The following RPA2 variants were observed in gnomAD, a reference collection of about 807,000 sequenced individuals.
RPA2 encodes replication protein A 32 kDa subunit.
A neutral mutation model predicts 33.4 loss-of-function variants in RPA2; 22 were observed. The observed-to-expected ratio is 0.66, with a 90% CI of 0.47 to 0.94. RPA2 has a LOEUF of 0.94. Among genes scored for constraint, RPA2 ranks in the 40% least tolerant of loss-of-function variants. RPA2 has a pLI of 0.00. For synonymous variants in RPA2, 109 were observed against 114.9 expected (o/e 0.95, Z 0.33); for missense variants, 279 against 329.9 (o/e 0.85, Z 1.19).
In RPA2 at chr1:27,897,689, T is replaced by C; in HGVS notation, c.352A>G (p.Thr118Ala). The change falls in exon 5 of 9, where the codon ACT becomes GCT. Residue 118 changes from threonine (T) to alanine (A), a missense_variant. Around this residue, in one of 2 missense-constraint regions of RPA2, gnomAD observed 274 missense variants for 310.3 expected, o/e 0.88. Coordinates refer to ENST00000373912, the MANE Select transcript of RPA2 (RefSeq NM_002946.5). ...VDTDDTSSEN[T>A]VVPPETYVKV... ...ACATATGTTTCTGGAGGAACCACAG[T>C]GTTTTCACTGCTGGTGTCCTAACAT... 2 of 1,600,162 alleles carry C rather than the reference T, an allele frequency of 1.2e-6. No homozygotes were observed. The highest frequency in any genetic ancestry group is 1.7e-6 in the Non-Finnish European group (2 of 1,173,522).
chr1:27,899,037 G>A lies in RPA2; in HGVS notation c.334-1330C>T, dbSNP rs543655687. Among the ~76,000 whole-genome samples, 13 of 152,002 alleles carry A rather than the reference G, an allele frequency of 8.6e-5. No individual in the cohort carries two copies. The South Asian group carries it at 2.3e-3, about 27-fold the overall frequency. On this transcript the variant is annotated intron_variant, in intron 4 of 8. Coordinates refer to ENST00000373912, the MANE Select transcript of RPA2 (RefSeq NM_002946.5). ...AGCCTGGGCAACATAGTGAGACCTC[G>A]TCTCTAAAAACAAACAAAAAACTAG...
Position 27,914,180 on chromosome 1 carries a change from C to T in RPA2, c.11-11G>A. Reference sequence around the variant, plus strand: ...AGCTTTCGAATCCACCTGTTTTGAACAACAGGATTAGTGCCTGTGCCACGT... The same window carrying T: ...AGCTTTCGAATCCACCTGTTTTGAATAACAGGATTAGTGCCTGTGCCACGT... On this transcript the variant is annotated splice_polypyrimidine_tract_variant and intron_variant, in intron 1 of 8. Transcript: ENST00000373912. 6.2e-7 allele frequency: 1 copy of T among 1,613,844 alleles called. No individual in the cohort carries two copies. Among genetic ancestry groups the T allele is most frequent in the Non-Finnish European group, 8.5e-7 (1 of 1,179,932 alleles).
intron 4 of RPA2, among the ~76,000 whole-genome samples, chr1:27,899,390 A>G (rs1473980282): frequency 6.6e-6 from 1 of 151,682 alleles, no homozygotes; most frequent in Non-Finnish European, 1.5e-5. Context: ...CTGTAGTCCC[A>G]GCTACTCGGG....
chr1:27,903,300 C>T (rs28904872), intron 4 of RPA2, among the ~76,000 whole-genome samples: 30,761 of 138,562 alleles, frequency 0.22, 3,747 homozygotes, highest in East Asian at 0.37. Flanking sequence ...TAATAGCAAA[C>T]GACTGAAAAG....
intron 8 of RPA2, 28 bp downstream of exon 8, chr1:27,893,984 C>A (rs952697091): frequency 1.5e-5 from 23 of 1,575,312 alleles, no homozygotes; most frequent in Non-Finnish European, 2.0e-5. Flanking sequence ...AATGCCAGAG[C>A]CTGAGCTCAT....
intron 4 of RPA2, among the ~76,000 whole-genome samples, chr1:27,901,896 G>A (rs1348681831): frequency 2.6e-5 from 4 of 151,802 alleles, no homozygotes; most frequent in African/African-American, 7.3e-5. Context: ...CACTGTGCCT[G>A]GCCTCATTAT....
At chr1:27,909,871 C>CTAT (rs1284642020) in intron 2 of RPA2, among the ~76,000 whole-genome samples, 2 of 152,164 alleles carry the variant, frequency 1.3e-5, no homozygotes, top group Non-Finnish European at 2.9e-5. Flanking sequence ...CAAATTTTAG[C>CTAT]TATTATTATA....
intron 1 of RPA2, 78 bp from the exon 2 acceptor site, chr1:27,914,247 C>T (rs1213877963): frequency 1.2e-6 from 2 of 1,600,394 alleles, no homozygotes; most frequent in Non-Finnish European, 1.7e-6. Context: ...GAGGCTTCGC[C>T]CCTTCAAACA....
In RPA2 at chr1:27,892,220, C is replaced by G. The variant is rs2089833198; in HGVS notation, c.756G>C (p.Glu252Asp). The part of the protein sequence containing the change: ...IKQAVDFLSN[E>D]GHIYSTVDDD... Reference sequence around the variant, plus strand: ...CATCCACAGTAGAATAGATGTGCCCCTCATTGCTCAGAAAATCCACAGCTT... The same window carrying G: ...CATCCACAGTAGAATAGATGTGCCCGTCATTGCTCAGAAAATCCACAGCTT... The change falls in exon 9 of 9, where the codon GAG becomes GAC. Residue 252 changes from glutamate to aspartate, a missense_variant. Physicochemically the swap from Glu to Asp is conservative, Grantham distance 45 (BLOSUM62 2). Transcript: ENST00000373912. 1 of 1,613,280 alleles carries G rather than the reference C, an allele frequency of 6.2e-7. No homozygotes were observed. The highest frequency in any genetic ancestry group is 1.3e-5 in the African/African-American group (1 of 74,890).
intron 2 of RPA2, among the ~76,000 whole-genome samples, chr1:27,912,369 T>C (rs2815707): frequency 0.44 from 65,893 of 149,560 alleles, 15,111 homozygotes; most frequent in African/African-American, 0.59. Context: ...CATGGCCAAA[T>C]GCCACCTCTA....
In RPA2 at chr1:27,907,060, A is replaced by AC; in HGVS notation, c.220-20_220-19insG. 6.3e-7 allele frequency: 1 copy of AC among 1,574,902 alleles called. No homozygotes were observed. Among genetic ancestry groups the AC allele is most frequent in the Non-Finnish European group, 8.6e-7 (1 of 1,162,078 alleles). ...TAGTGACCTAGGTTAGAAGAAACAA[A>AC]GAAAAAAAAAAAAGGTCTGGTTCCC... On this transcript the variant is annotated intron_variant, in intron 3 of 8. Coordinates refer to ENST00000373912, the MANE Select transcript of RPA2 (RefSeq NM_002946.5).
intron 4 of RPA2, among the ~76,000 whole-genome samples, chr1:27,900,409 G>T (rs2089954152): frequency 6.6e-6 from 1 of 152,022 alleles, no homozygotes; most frequent in Admixed American, 6.6e-5. Context: ...ACCGCACCTG[G>T]CCAACAGCTC....
intron 2 of RPA2, 30 bp downstream of exon 2, chr1:27,914,033 A>G (rs767423778): frequency 6.5e-7 from 1 of 1,540,574 alleles, no homozygotes; most frequent in Non-Finnish European, 8.7e-7. Flanking sequence ...GGACAGGATA[A>G]AACAAAACTA....
intron 4 of RPA2, 73 bp downstream of exon 4, chr1:27,906,854 TA>T: frequency 4.0e-6 from 4 of 997,970 alleles, no homozygotes; most frequent in Non-Finnish European, 5.9e-6. Context: ...GAAAAAACTT[TA>T]AAAAGACTAA....
chr1:27,914,103 C>T lies in RPA2; in HGVS notation c.77G>A (p.Gly26Asp). ...TTGAGAAGGTGCGGGCGATCCAAAGCCCCCCGGGGACTGCGTGTAGCCGCC... is the reference window on the plus strand; with the variant it reads ...TTGAGAAGGTGCGGGCGATCCAAAGTCCCCCGGGGACTGCGTGTAGCCGCC... ...GAGGYTQSPG[G>D]FGSPAPSQAE... The change falls in exon 2 of 9, where the codon GGC becomes GAC. Residue 26 changes from glycine (G) to aspartate (D), a missense_variant. This residue lies in a region of RPA2 where 274 missense variants were observed against 310.3 expected (regional missense o/e 0.88). Transcript: ENST00000373912. 5.6e-6 allele frequency: 9 copies of T among 1,605,842 alleles called. No individual in the cohort carries two copies. The highest frequency in any genetic ancestry group is 7.6e-6 in the Non-Finnish European group (9 of 1,177,278).
intron 5 of RPA2, 80 bp from the exon 6 acceptor site, chr1:27,897,201 G>T: frequency 1.1e-6 from 1 of 908,842 alleles, no homozygotes. Flanking sequence ...TCTTTCCTTG[G>T]TTATAATATT....
At chr1:27,895,389 T>G (rs1304664183) in intron 6 of RPA2, among the ~76,000 whole-genome samples, 3 of 151,546 alleles carry the variant, frequency 2.0e-5, no homozygotes, top group African/African-American at 4.9e-5. Flanking sequence ...GCCATTGCAC[T>G]CCAGCCTGAG....
At chr1:27,912,279 C>G (rs530964630) in intron 2 of RPA2, among the ~76,000 whole-genome samples, 4 of 151,766 alleles carry the variant, frequency 2.6e-5, no homozygotes, top group Non-Finnish European at 5.9e-5. Context: ...AATGGTGGCT[C>G]ACACCTGTAA....
intron 8 of RPA2, among the ~76,000 whole-genome samples, chr1:27,892,817 T>C (rs1465034426): frequency 1.3e-5 from 2 of 152,240 alleles, no homozygotes; most frequent in African/African-American, 4.8e-5. Context: ...ATAGGAATTA[T>C]TATCCTAATT....
Sources: allele counts gnomAD v4.1 joint callset (sites outside exome capture counted in the v4.1 genomes callset), GRCh38; gene constraint gnomAD v4.1.1; regional missense constraint gnomAD v4.1.1; transcripts MANE v1.5; gene names NCBI Gene and HGNC (gene_info 2026-07-23, HGNC 2026-07-21).